The following METTL6 variants were observed in gnomAD, a reference collection of about 807,000 sequenced individuals.
METTL6 encodes tRNA N(3)-cytidine methyltransferase METTL6.
In METTL6, 22 loss-of-function variants were observed where a neutral mutation model predicts 26.4. The observed-to-expected ratio is 0.83, with a 90% CI of 0.59 to 1.19. The LOEUF (loss-of-function observed/expected upper bound fraction) is 1.19. Among genes scored for constraint, METTL6 ranks in the 50% most tolerant of loss-of-function variants. The pLI is 0.00. For missense variants in METTL6, 304 were observed against 324.8 expected, an observed-to-expected ratio of 0.94 and a Z score of 0.49; for synonymous variants, 109 against 116.2, an observed-to-expected ratio of 0.94 and a Z score of 0.40.
chr3:15,415,590 A>G (rs769586071), intron 4 of METTL6, 182 bp downstream of exon 4: 32 of 1,607,032 alleles, frequency 2.0e-5, no homozygotes, highest in Non-Finnish European at 2.5e-5. Context: ...GGCACTGCAC[A>G]AATCAGAATT....
intron 6 of METTL6, among the ~76,000 whole-genome samples, chr3:15,403,152 AT>A (rs992138353): frequency 1.3e-5 from 2 of 152,064 alleles, no homozygotes; most frequent in Non-Finnish European, 2.9e-5. Context: ...GGCTTTTAAA[AT>A]TTTTTTGTAG....
intron 6 of METTL6, among the ~76,000 whole-genome samples, chr3:15,387,279 A>G (rs1699225386): frequency 6.6e-6 from 1 of 152,182 alleles, no homozygotes; most frequent in Admixed American, 6.5e-5. Context: ...ATTCTAACAT[A>G]ATGAACAGTG....
intron 6 of METTL6, among the ~76,000 whole-genome samples, chr3:15,394,471 G>T (rs1200592950): frequency 2.0e-5 from 3 of 152,076 alleles, no homozygotes; most frequent in African/African-American, 7.2e-5. Flanking sequence ...TTGATTTTTT[G>T]AAGGGTTTTT....
chr3:15,422,569 G>A (rs1559498050), intron 3 of METTL6, among the ~76,000 whole-genome samples: 1 of 151,870 alleles, frequency 6.6e-6, no homozygotes, highest in Admixed American at 6.6e-5. Context: ...AGGCTGCAGT[G>A]AGCTCTAATA....
chr3:15,405,520 T>C (rs777226636), downstream of METTL6, among the ~76,000 whole-genome samples: 3 of 152,148 alleles, frequency 2.0e-5, no homozygotes, highest in Non-Finnish European at 4.4e-5. Flanking sequence ...TAGAAAACAT[T>C]TGTAATAATC....
Position 15,390,600 on chromosome 3 carries a change from A to C in METTL6, c.*12-6413T>G, listed in dbSNP as rs184307726. On this transcript the variant is annotated intron_variant, in intron 6 of 6. Transcript: ENST00000443029. ...GAGAGTGAGTGAGTGCAGGAACTGG[A>C]AAAAACGAATGCTGGAATTGGCCAG... 3.2e-4 allele frequency among the ~76,000 whole-genome samples: 48 copies of C among 152,264 alleles called. No individual in the cohort carries two copies. In the East Asian group the frequency reaches 7.1e-3, roughly 23 times the overall value.
At chr3:15,426,723 T>A (rs371169874) in intron 1 of METTL6, 88 bp from the exon 2 acceptor site, 2 of 577,796 alleles carry the variant, frequency 3.5e-6, no homozygotes, top group Non-Finnish European at 6.1e-6. Context: ...AGATGCAGAC[T>A]GTACAAAAAA....
At chr3:15,412,994 C>T (rs1360510446) in intron 5 of METTL6, among the ~76,000 whole-genome samples, 1 of 152,126 alleles carries the variant, frequency 6.6e-6, no homozygotes, top group East Asian at 1.9e-4. Context: ...CCTGCAGTCC[C>T]AGAATTTTGG....
intron 6 of METTL6, among the ~76,000 whole-genome samples, chr3:15,397,678 A>G (rs1371201168): frequency 2.6e-5 from 4 of 152,190 alleles, no homozygotes; most frequent in Admixed American, 6.5e-5. Flanking sequence ...TTTATAGTTT[A>G]AATTATAATA....
intron 5 of METTL6, among the ~76,000 whole-genome samples, chr3:15,413,062 T>A (rs974347730): frequency 6.6e-6 from 1 of 152,110 alleles, no homozygotes; most frequent in South Asian, 2.1e-4. Flanking sequence ...CTGGCCAACA[T>A]GGCAAAACCG....
intron 6 of METTL6, among the ~76,000 whole-genome samples, chr3:15,398,771 G>C (rs1699559735): frequency 6.6e-6 from 1 of 152,166 alleles, no homozygotes; most frequent in African/African-American, 2.4e-5. Context: ...GATCATCTGA[G>C]CCTGGGAAGT....
At chr3:15,386,108 G>A (rs575559738) in intron 6 of METTL6, among the ~76,000 whole-genome samples, 2 of 152,310 alleles carry the variant, frequency 1.3e-5, no homozygotes. Flanking sequence ...ATATGGGGTG[G>A]ATTATTCATG....
At chr3:15,418,812 C>T (rs1051176918) in intron 3 of METTL6, among the ~76,000 whole-genome samples, 1 of 152,070 alleles carries the variant, frequency 6.6e-6, no homozygotes, top group Non-Finnish European at 1.5e-5. Context: ...AGGAGGATCG[C>T]TTGAACCCAA....
At chr3:15,396,432 C>T (rs1026159228) in intron 6 of METTL6, among the ~76,000 whole-genome samples, 10 of 152,128 alleles carry the variant, frequency 6.6e-5, no homozygotes, top group African/African-American at 1.4e-4. Context: ...GCCATGGGTT[C>T]GAACTTCCTC....
intron 1 of METTL6, among the ~76,000 whole-genome samples, chr3:15,426,933 G>T (rs1272359400): frequency 1.3e-5 from 2 of 152,220 alleles, no homozygotes; most frequent in Non-Finnish European, 2.9e-5. Context: ...ACCTTGCGAA[G>T]AAAATATTCC....
chr3:15,404,376 CTT>C (rs1450273450), intron 6 of METTL6, among the ~76,000 whole-genome samples: 1 of 152,140 alleles, frequency 6.6e-6, no homozygotes, highest in Non-Finnish European at 1.5e-5. Flanking sequence ...GAGTTTTGCT[CTT>C]GTCACACAGG....
chr3:15,384,216 G>T (rs1699134330), intron 6 of METTL6: 1 of 349,388 alleles, frequency 2.9e-6, no homozygotes, highest in Non-Finnish European at 5.5e-6. Flanking sequence ...AGAGATAAAA[G>T]AAAACAAAAT....
At chr3:15,392,951 T>G (rs944087404) in intron 6 of METTL6, among the ~76,000 whole-genome samples, 1 of 151,768 alleles carries the variant, frequency 6.6e-6, no homozygotes, top group Non-Finnish European at 1.5e-5. Context: ...GCTTTGTTCT[T>G]TTGGCTTAGG....
At chr3:15,409,249 T>C (rs1176372157), downstream of METTL6, among the ~76,000 whole-genome samples, 2 of 152,138 alleles carry the variant, frequency 1.3e-5, no homozygotes, top group African/African-American at 2.4e-5. Flanking sequence ...CTCCTCCAGA[T>C]GTAGTTGGAG....
Sources: gnomAD v4.1 joint callset for allele counts (sites outside exome capture counted in the v4.1 genomes callset) on GRCh38, gnomAD v4.1.1 for gene constraint, MANE v1.5 for transcripts, NCBI Gene and HGNC (gene_info 2026-07-23, HGNC 2026-07-21) for gene names.